PTPRM: variants seen among roughly 807,000 people sequenced by gnomAD.
The protein encoded by PTPRM is protein tyrosine phosphatase receptor type M.
PTPRM carries 47 observed loss-of-function variants against 186.7 expected under a neutral mutation model. The observed-to-expected ratio is 0.25, with a 90% CI of 0.20 to 0.32. The LOEUF is 0.32. PTPRM is among the 10% of genes least tolerant of loss of function. PTPRM has a pLI of 1.00. For missense variants in PTPRM, 1,494 were observed against 1,865.0 expected, an observed-to-expected ratio of 0.80 and a Z score of 3.66; for synonymous variants, 668 against 674.9, an observed-to-expected ratio of 0.99 and a Z score of 0.16.
intron 1 of PTPRM, among the ~76,000 whole-genome samples, chr18:7,688,539 T>C (rs1168256517): frequency 6.6e-6 from 1 of 152,144 alleles, no homozygotes; most frequent in Non-Finnish European, 1.5e-5. Flanking sequence ...GGTTAGGTGT[T>C]GGGTAAAACT....
chr18:8,236,704 G>A (rs767422889), intron 14 of PTPRM, among the ~76,000 whole-genome samples: 1 of 151,834 alleles, frequency 6.6e-6, no homozygotes, highest in African/African-American at 2.4e-5. Flanking sequence ...ACTATGTCTG[G>A]TTAATTTTTG....
At chr18:8,287,735 A>T (rs2094972976) in intron 19 of PTPRM, among the ~76,000 whole-genome samples, 1 of 152,208 alleles carries the variant, frequency 6.6e-6, no homozygotes, top group African/African-American at 2.4e-5. Context: ...TGAACCTCCC[A>T]AACTCTGGCA....
chr18:7,584,148 A>G, intron 1 of PTPRM, among the ~76,000 whole-genome samples: 1 of 152,262 alleles, frequency 6.6e-6, no homozygotes, highest in Admixed American at 6.5e-5. Flanking sequence ...TTACATCAAA[A>G]TAAACTGCAT....
At chr18:7,849,839 A>G (rs1351883875) in intron 2 of PTPRM, among the ~76,000 whole-genome samples, 1 of 152,220 alleles carries the variant, frequency 6.6e-6, no homozygotes, top group African/African-American at 2.4e-5. Context: ...CCACCAGTAT[A>G]AGACACATAA....
intron 14 of PTPRM, among the ~76,000 whole-genome samples, chr18:8,170,493 G>T (rs1368248566): frequency 6.8e-6 from 1 of 146,744 alleles, no homozygotes; most frequent in African/African-American, 2.6e-5. Flanking sequence ...TTGCTCAAGG[G>T]TTAAAAAAAA....
chr18:8,298,046 C>T (rs1840938862), intron 20 of PTPRM, among the ~76,000 whole-genome samples: 1 of 152,188 alleles, frequency 6.6e-6, no homozygotes, highest in Non-Finnish European at 1.5e-5. Flanking sequence ...CCCCTGTCCC[C>T]AGGACAAACC....
At position 8,156,602 on chromosome 18, in the gene PTPRM, G is replaced by A. The variant is rs191186429; in HGVS notation, c.2300+12823G>A. ...CGTAGGTAGTCCGTGGGAGGGCCTA[G>A]TCTAAGTCAGTGCATCTGACTTTTA... On this transcript the variant is annotated intron_variant, in intron 14 of 32. Transcript: ENST00000580170. Among the ~76,000 whole-genome samples the A allele has an allele frequency of 5.4e-3, 820 of 152,310 alleles. 10 individuals carry two copies. The highest frequency in any genetic ancestry group is 0.019 in the African/African-American group (782 of 41,566).
chr18:8,181,214 G>A lies in PTPRM; in HGVS notation c.2300+37435G>A, dbSNP rs1001084344. On this transcript the variant is annotated intron_variant, in intron 14 of 32. Transcript: ENST00000580170. ...AGCTATGTCAGATGTTTTACTCTGA[G>A]CGATCATCAAGGAGGAAAAAGTGAG... is the stretch of plus-strand genomic sequence containing the variant. 7.9e-5 allele frequency among the ~76,000 whole-genome samples: 12 copies of A among 151,942 alleles called. 1 individual carries two copies. The highest frequency in any genetic ancestry group is 2.9e-4 in the African/African-American group (12 of 41,436).
chr18:8,273,222 C>T (rs1283256471), intron 19 of PTPRM, among the ~76,000 whole-genome samples: 1 of 152,084 alleles, frequency 6.6e-6, no homozygotes, highest in Non-Finnish European at 1.5e-5. Flanking sequence ...TTTCTATCAC[C>T]TTATTTTGTA....
At chr18:7,943,016 T>A (rs1490698901) in intron 5 of PTPRM, among the ~76,000 whole-genome samples, 1 of 152,134 alleles carries the variant, frequency 6.6e-6, no homozygotes, top group Non-Finnish European at 1.5e-5. Context: ...ACTAATAACG[T>A]CATTGAAGGC....
At chr18:8,190,330 G>A (rs1267869314) in intron 14 of PTPRM, among the ~76,000 whole-genome samples, 2 of 152,168 alleles carry the variant, frequency 1.3e-5, no homozygotes, top group East Asian at 3.8e-4. Flanking sequence ...CTATGAGCTT[G>A]AGTTTTTACA....
chr18:7,849,103 T>G (rs2046740380), intron 2 of PTPRM, among the ~76,000 whole-genome samples: 1 of 152,200 alleles, frequency 6.6e-6, no homozygotes, highest in African/African-American at 2.4e-5. Flanking sequence ...TAATTTTTTT[T>G]GGTAGAATAT....
At chr18:8,054,399 C>G (rs1222483902) in intron 7 of PTPRM, among the ~76,000 whole-genome samples, 2 of 148,272 alleles carry the variant, frequency 1.3e-5, no homozygotes. Flanking sequence ...CTACATTTCC[C>G]CTCACCCCTT....
intron 1 of PTPRM, among the ~76,000 whole-genome samples, chr18:7,660,785 C>G (rs1348049579): frequency 8.5e-5 from 13 of 152,084 alleles, no homozygotes; most frequent in African/African-American, 2.9e-4. Context: ...CACACCTACA[C>G]ATGATGAAAC....
At chr18:7,682,375 G>A (rs1234566381) in intron 1 of PTPRM, among the ~76,000 whole-genome samples, 1 of 152,180 alleles carries the variant, frequency 6.6e-6, no homozygotes, top group Non-Finnish European at 1.5e-5. Flanking sequence ...GAATCATGTG[G>A]CTGTGCATTC....
intron 19 of PTPRM, among the ~76,000 whole-genome samples, chr18:8,283,921 A>G (rs2094929593): frequency 6.6e-6 from 1 of 152,004 alleles, no homozygotes; most frequent in Non-Finnish European, 1.5e-5. Flanking sequence ...ACACCTGGCC[A>G]CCATTGTTCT....
At chr18:7,781,225 A>G (rs984859967) in intron 2 of PTPRM, among the ~76,000 whole-genome samples, 6 of 152,206 alleles carry the variant, frequency 3.9e-5, no homozygotes, top group African/African-American at 1.2e-4. Flanking sequence ...ATAAATCTTC[A>G]TCTAATTTTT....
In PTPRM at chr18:8,271,791, C is replaced by G. The variant is rs149423153; in HGVS notation, c.2754+18377C>G. Reference sequence around the variant, plus strand: ...CATACATTTCTTAATATATTCTTATCTTTTTAATTTGTTTCTACTCATGTT... The same window carrying G: ...CATACATTTCTTAATATATTCTTATGTTTTTAATTTGTTTCTACTCATGTT... On this transcript the variant is annotated intron_variant, in intron 19 of 32. Transcript: ENST00000580170. 3.1e-4 allele frequency among the ~76,000 whole-genome samples: 47 copies of G among 152,122 alleles called. 1 individual carries two copies. In the East Asian group the frequency reaches 8.3e-3, roughly 27 times the overall value.
chr18:7,636,604 A>G (rs142487873), intron 1 of PTPRM, among the ~76,000 whole-genome samples: 2 of 152,092 alleles, frequency 1.3e-5, no homozygotes, highest in African/African-American at 4.8e-5. Flanking sequence ...TAAGGGGGAG[A>G]TGAGACCTGC....
Sources: allele counts gnomAD v4.1 joint callset (sites outside exome capture counted in the v4.1 genomes callset), GRCh38; gene constraint gnomAD v4.1.1; transcripts MANE v1.5; gene names NCBI Gene and HGNC (gene_info 2026-07-23, HGNC 2026-07-21).